Variants in ZNF331 observed in about 807,000 individuals in gnomAD.
The protein encoded by ZNF331 is zinc finger protein 331.
A neutral mutation model predicts 7.0 loss-of-function variants in ZNF331; 2 were observed. The observed-to-expected ratio is 0.29, with a 90% CI of 0.12 to 0.90. ZNF331 has a LOEUF of 0.90. Ranked by LOEUF, ZNF331 falls within the 40% of genes least tolerant of loss-of-function variation. The pLI is 0.58. For synonymous variants in ZNF331, 196 were observed against 205.4 expected, an observed-to-expected ratio of 0.95 and a Z score of 0.39; for missense variants, 432 against 587.7, an observed-to-expected ratio of 0.74 and a Z score of 2.74.
intron 3 of ZNF331, among the ~76,000 whole-genome samples, chr19:53,559,477 GCA>G (rs1230420712): frequency 7.0e-6 from 1 of 142,238 alleles, no homozygotes; most frequent in Non-Finnish European, 1.5e-5. Context: ...ATACACACAT[GCA>G]CACACCATAT....
the ZNF331 span, chr19:53,512,119 A>G: frequency 2.0e-5 from 3 of 152,282 alleles, no homozygotes; most frequent in African/African-American, 7.2e-5. Flanking sequence ...ATCCACCAAC[A>G]GGGTCTGTTA....
rs2090546745 is a variant in ZNF331, at chr19:53,573,169, A to G, written c.136+1439A>G. 6.6e-6 allele frequency among the ~76,000 whole-genome samples: 1 copy of G among 151,668 alleles called. No individual in the cohort carries two copies. Among genetic ancestry groups the G allele is most frequent in the African/African-American group, 2.4e-5 (1 of 41,250 alleles). The stretch of plus-strand genomic sequence containing the variant: ...GGGAAGCAGAGGTTGCAGTGAGCCA[A>G]GATCACGCTACTGTGCTGCAGCCTG... On this transcript the variant is annotated intron_variant, in intron 5 of 5. Coordinates refer to ENST00000449416, the MANE Select transcript of ZNF331 (RefSeq NM_001079906.2). This position sits in a 1 kb window ranked among gnomAD's most constrained non-coding sequence, Gnocchi z 4.2.
chr19:53,552,873 T>C (rs1485071597), intron 2 of ZNF331, among the ~76,000 whole-genome samples: 1 of 152,234 alleles, frequency 6.6e-6, no homozygotes, highest in African/African-American at 2.4e-5. Context: ...TGATATTTAA[T>C]AGCTGAGACA....
chr19:53,534,539 G>A (rs1187227848), upstream of ZNF331, among the ~76,000 whole-genome samples: 4 of 152,018 alleles, frequency 2.6e-5, no homozygotes, highest in Admixed American at 1.3e-4. Context: ...CGCCCACCTC[G>A]GCCTCCCAAA....
chr19:53,577,545 T>C lies in ZNF331; in HGVS notation c.985T>C (p.Cys329Arg). The C allele has an allele frequency of 6.2e-7, 1 of 1,612,834 alleles. No homozygotes were observed. The highest frequency in any genetic ancestry group is 8.5e-7 in the Non-Finnish European group (1 of 1,179,004). The change falls in exon 6 of 6, where the codon TGT (cysteine) becomes CGT (arginine). Residue 329 changes from cysteine to arginine, a missense_variant. This residue lies in a region of ZNF331 where 312 missense variants were observed against 448.6 expected (regional missense o/e 0.70). Coordinates refer to ENST00000449416, the MANE Select transcript of ZNF331 (RefSeq NM_001079906.2). ...CCACACCGGTGAGAAGCCTCACGAA[T>C]GTAAGGAGTGTGGGAAGGCCTTTCG... ...KIHTGEKPHE[C>R]KECGKAFRWG... is the part of the protein sequence containing the mutation.
intron 2 of ZNF331, among the ~76,000 whole-genome samples, chr19:53,547,684 A>AT (rs540889014): frequency 9.0e-4 from 136 of 151,826 alleles, no homozygotes; most frequent in Middle Eastern, 3.4e-3. Context: ...CCAACATGTT[A>AT]TTTTTTTTGT....
rs186956463 is a variant in ZNF331 at position 53,548,149 on chromosome 19, C to T, written c.-137-7696C>T. On this transcript the variant is annotated intron_variant, in intron 2 of 5. Coordinates refer to ENST00000449416, the MANE Select transcript of ZNF331 (RefSeq NM_001079906.2). The stretch of plus-strand genomic sequence containing the variant: ...TTTGAGATGGAGTCTCCCTCTGTCA[C>T]CCAGGCTGGAGTGCAGTGGCGTGAT... Among the ~76,000 whole-genome samples, 532 of 151,680 alleles carry T rather than the reference C, an allele frequency of 3.5e-3. 4 individuals carry two copies. Among genetic ancestry groups the T allele is most frequent in the African/African-American group, 0.012 (515 of 41,356 alleles).
chr19:53,537,990 TCA>T (rs1257182268), upstream of ZNF331: 2 of 152,112 alleles, frequency 1.3e-5, no homozygotes, highest in African/African-American at 4.8e-5. Flanking sequence ...CTGTGTACGC[TCA>T]CATACGTGTC....
In ZNF331 at chr19:53,561,928, A is replaced by T. The variant is rs2089908825; in HGVS notation, c.-74+6020A>T. 2.0e-5 allele frequency among the ~76,000 whole-genome samples: 3 copies of T among 152,174 alleles called. No homozygotes were observed. The South Asian group carries it at 6.2e-4, about 32-fold the overall frequency. On this transcript the variant is annotated intron_variant, in intron 3 of 5. Transcript: ENST00000449416. ...TTTGGGAGGCTGAGGCAGGTAGATC[A>T]CCTGAGGTCAGGAGTTCGAAACCAG...
intron 3 of ZNF331, among the ~76,000 whole-genome samples, chr19:53,567,667 T>A (rs562746429): frequency 1.7e-4 from 25 of 151,178 alleles, no homozygotes; most frequent in African/African-American, 5.9e-4. Flanking sequence ...GGAAATATAG[T>A]GAGACGCAAT....
the ZNF331 span, chr19:53,503,769 C>A: frequency 1.4e-6 from 1 of 700,168 alleles, no homozygotes; most frequent in Non-Finnish European, 2.6e-6. Context: ...CCCCCAAGCA[C>A]GCTGGCTCCT....
chr19:53,506,118 G>T, the ZNF331 span, among the ~76,000 whole-genome samples: 1 of 151,254 alleles, frequency 6.6e-6, no homozygotes, highest in South Asian at 2.1e-4. Context: ...GGTGGATCAC[G>T]AGGTCAGGAG....
At chr19:53,548,537 G>A (rs1319669148) in intron 2 of ZNF331, among the ~76,000 whole-genome samples, 3 of 152,204 alleles carry the variant, frequency 2.0e-5, no homozygotes, top group Admixed American at 6.5e-5. Context: ...GATTACAGGT[G>A]TGAGCCACCA....
upstream of ZNF331, among the ~76,000 whole-genome samples, chr19:53,533,875 C>A (rs2147276570): frequency 6.6e-6 from 1 of 152,160 alleles, no homozygotes; most frequent in Non-Finnish European, 1.5e-5. Flanking sequence ...CTTTTGACTC[C>A]CTAAAAATGT....
intron 4 of ZNF331, among the ~76,000 whole-genome samples, chr19:53,570,093 T>C (rs1284234958): frequency 6.6e-6 from 1 of 151,898 alleles, no homozygotes; most frequent in Non-Finnish European, 1.5e-5. Context: ...TCATCTGTAC[T>C]AAAAATACCA....
intron 2 of ZNF331, among the ~76,000 whole-genome samples, chr19:53,526,412 A>G (rs2087294492): frequency 6.6e-6 from 1 of 152,078 alleles, no homozygotes; most frequent in African/African-American, 2.4e-5. Flanking sequence ...CATGGGAGAT[A>G]TTTATTGCTT....
intron 2 of ZNF331, among the ~76,000 whole-genome samples, chr19:53,526,023 A>C (rs10405481): frequency 6.6e-6 from 1 of 152,164 alleles, no homozygotes; most frequent in African/African-American, 2.4e-5. Flanking sequence ...TTCTGGATCT[A>C]TTGTGATGAT....
intron 2 of ZNF331, among the ~76,000 whole-genome samples, chr19:53,542,358 T>C (rs900823095): frequency 6.6e-5 from 10 of 152,232 alleles, no homozygotes; most frequent in Admixed American, 2.6e-4. Context: ...ATGTTAATGT[T>C]CCTTTCCCAG....
chr19:53,510,449 T>G, the ZNF331 span, among the ~76,000 whole-genome samples: 1 of 123,386 alleles, frequency 8.1e-6, no homozygotes, highest in Non-Finnish European at 1.7e-5. Context: ...TTTTTTTTTT[T>G]GCCATGTAGC....
Sources: gnomAD v4.1 joint callset for allele counts (sites outside exome capture counted in the v4.1 genomes callset) on GRCh38, gnomAD v4.1.1 for gene constraint, gnomAD v4.1.1 regional missense constraint, Gnocchi (gnomAD v3.1) non-coding constraint, MANE v1.5 for transcripts, NCBI Gene and HGNC (gene_info 2026-07-23, HGNC 2026-07-21) for gene names.